The following SLC5A8 variants were observed in gnomAD, a reference collection of about 807,000 sequenced individuals.
The protein encoded by SLC5A8 is solute carrier family 5 member 8, also known as sodium-coupled monocarboxylate transporter 1.
Under a neutral mutation model 71.9 loss-of-function variants are expected in SLC5A8, and 55 were observed. The observed-to-expected ratio is 0.77, with a 90% CI of 0.62 to 0.96. The LOEUF (loss-of-function observed/expected upper bound fraction) is 0.96. Among genes scored for constraint, SLC5A8 ranks in the 40% least tolerant of loss-of-function variants. SLC5A8 has a pLI of 0.00. For synonymous variants in SLC5A8, 307 were observed against 276.1 expected, an observed-to-expected ratio of 1.11 and a Z score of -1.11; for missense variants, 701 against 745.3, an observed-to-expected ratio of 0.94 and a Z score of 0.69.
At chr12:101,187,307 A>T in intron 7 of SLC5A8, 79 bp downstream of exon 7, 1 of 1,446,560 alleles carries the variant, frequency 6.9e-7, no homozygotes, top group Non-Finnish European at 9.2e-7. Flanking sequence ...CTCTACAAGA[A>T]TATGAATGCT....
rs1176077061 is a variant in SLC5A8 at position 101,166,540 on chromosome 12, C to A, written c.1480G>T (p.Glu494Ter). ...YNETNLMTTT[E>*]MPFTTSVFQI... is the part of the protein sequence containing the mutation. The stretch of plus-strand genomic sequence containing the variant: ...AAAACACTAGTAGTAAATGGCATTT[C>A]TGTGGTTGTCATCAAATTTGTCTCA... Residue 494 changes from glutamate (E) to a stop codon, truncating the protein, a stop_gained, in exon 12 of 15, where the codon GAA (glutamate) becomes TAA (stop). Coordinates refer to ENST00000536262, the MANE Select transcript of SLC5A8 (RefSeq NM_145913.5). LOFTEE classifies it high-confidence loss of function. 2.5e-6 allele frequency: 4 copies of A among 1,613,904 alleles called. No homozygotes were observed. Among genetic ancestry groups the A allele is most frequent in the East Asian group, 2.2e-5 (1 of 44,864 alleles).
At chr12:101,193,845 TA>T in intron 4 of SLC5A8, 66 bp from the exon 5 acceptor site, 1 of 1,496,620 alleles carries the variant, frequency 6.7e-7, no homozygotes, top group African/African-American at 1.4e-5. Flanking sequence ...TACACACTTA[TA>T]CACTATACTG....
chr12:101,170,131 C>A (rs1242619259), intron 10 of SLC5A8, among the ~76,000 whole-genome samples: 1 of 152,118 alleles, frequency 6.6e-6, no homozygotes, highest in Admixed American at 6.6e-5. Flanking sequence ...CAGTGAGGTG[C>A]CCACAGGGTT....
chr12:101,166,381 A>T, intron 12 of SLC5A8, 113 bp downstream of exon 12: 1 of 824,854 alleles, frequency 1.2e-6, no homozygotes, highest in Non-Finnish European at 1.8e-6. Flanking sequence ...GGTTTTACTC[A>T]TTTCAGAATT....
chr12:101,158,397 T>C (rs944635765), intron 13 of SLC5A8, 69 bp from the exon 14 acceptor site: 1 of 968,162 alleles, frequency 1.0e-6, no homozygotes, highest in Non-Finnish European at 1.6e-6. Context: ...AGACATTCCA[T>C]TATACAGGCA....
In SLC5A8 at chr12:101,193,666, A is replaced by G; in HGVS notation, c.651T>C (p.Ile217=). Reference sequence around the variant, plus strand: ...TTCCACCATCATAGGCATCATTTAAAATAGTGCTGATTCCACCTTGCATCA... The same window carrying G: ...TTCCACCATCATAGGCATCATTTAAGATAGTGCTGATTCCACCTTGCATCA... ...AVVMQGGIST[I]LNDAYDGGRL... is the part of the protein sequence containing the mutation. Residue 217 remains isoleucine (I), a synonymous_variant, in exon 5 of 15, where the codon ATT becomes ATC. Transcript: ENST00000536262. 6.2e-7 allele frequency: 1 copy of G among 1,614,182 alleles called. No homozygotes were observed. Among genetic ancestry groups the G allele is most frequent in the Non-Finnish European group, 8.5e-7 (1 of 1,180,000 alleles).
intron 7 of SLC5A8, among the ~76,000 whole-genome samples, chr12:101,184,531 A>G (rs1227856437): frequency 1.3e-5 from 2 of 152,214 alleles, no homozygotes; most frequent in African/African-American, 2.4e-5. Flanking sequence ...TGTAAAAGTT[A>G]ATTTAGATAA....
chr12:101,175,080 TA>T (rs1484304221), intron 10 of SLC5A8, among the ~76,000 whole-genome samples: 1 of 151,428 alleles, frequency 6.6e-6, no homozygotes, highest in Non-Finnish European at 1.5e-5. Flanking sequence ...AAAATATATA[TA>T]GAGAGAAAAA....
At chr12:101,173,098 G>T (rs2051845821) in intron 10 of SLC5A8, among the ~76,000 whole-genome samples, 1 of 152,218 alleles carries the variant, frequency 6.6e-6, no homozygotes, top group African/African-American at 2.4e-5. Context: ...TGCAGGGACA[G>T]TTATGTCTAC....
intron 7 of SLC5A8, among the ~76,000 whole-genome samples, chr12:101,185,399 G>C (rs1024593528): frequency 6.6e-6 from 1 of 152,088 alleles, no homozygotes; most frequent in Non-Finnish European, 1.5e-5. Context: ...AAAAATCTGT[G>C]GTGTAATTAT....
intron 7 of SLC5A8, 55 bp downstream of exon 7, chr12:101,187,331 T>G: frequency 6.4e-7 from 1 of 1,553,028 alleles, no homozygotes; most frequent in East Asian, 2.3e-5. Flanking sequence ...TCCTCTCAAC[T>G]AATAAGCTTT....
chr12:101,201,944 G>A (rs542077405), intron 3 of SLC5A8, among the ~76,000 whole-genome samples: 1 of 152,244 alleles, frequency 6.6e-6, no homozygotes, highest in East Asian at 1.9e-4. Flanking sequence ...GTACCACCTG[G>A]AGAAGTCCAC....
intron 10 of SLC5A8, among the ~76,000 whole-genome samples, chr12:101,178,473 T>C (rs2051901447): frequency 1.3e-5 from 2 of 152,060 alleles, no homozygotes. Context: ...TACAGACACA[T>C]AAATAAATGA....
rs949553181 is a variant in SLC5A8 at position 101,209,882 on chromosome 12, T to C, written c.-34A>G. 6.8e-7 allele frequency: 1 copy of C among 1,477,334 alleles called. No individual in the cohort carries two copies. Among genetic ancestry groups the C allele is most frequent in the Admixed American group, 2.4e-5 (1 of 40,922 alleles). 91.5% of individuals were successfully genotyped at this position (1,477,334 alleles called of 1,614,324 possible). On this transcript the variant is annotated 5_prime_UTR_variant, in exon 1 of 15. Coordinates refer to ENST00000536262, the MANE Select transcript of SLC5A8 (RefSeq NM_145913.5). ...GGTCGCCTGAGCCCTGCGCGCAAAC[T>C]GGTGGCCCCGCGGCGCGCAGCCGGA...
chr12:101,167,853 G>C lies in SLC5A8; in HGVS notation c.1320+243C>G, dbSNP rs566804180. ...CGTGCATAAAAATGTTGCTCCTTTAGTTATATTATGAATATTTAAAATTGC... is the reference window on the plus strand; with the variant it reads ...CGTGCATAAAAATGTTGCTCCTTTACTTATATTATGAATATTTAAAATTGC... On this transcript the variant is annotated intron_variant, in intron 11 of 14. Transcript: ENST00000536262. 2.6e-4 allele frequency among the ~76,000 whole-genome samples: 39 copies of C among 152,260 alleles called. 1 individual carries two copies. Among genetic ancestry groups the C allele is most frequent in the African/African-American group, 9.1e-4 (38 of 41,552 alleles).
chr12:101,159,117 C>A (rs549789163), intron 13 of SLC5A8, among the ~76,000 whole-genome samples: 6 of 152,114 alleles, frequency 3.9e-5, no homozygotes, highest in South Asian at 2.1e-4. Context: ...CTGGACTGAC[C>A]AAATTAGGAC....
intron 7 of SLC5A8, among the ~76,000 whole-genome samples, chr12:101,185,569 G>T (rs73391434): frequency 0.014 from 2,173 of 152,006 alleles, 57 homozygotes; most frequent in African/African-American, 0.049. Context: ...AGGATAAGGG[G>T]TTTTTTTGTA....
At chr12:101,172,425 T>C (rs2051838556) in intron 10 of SLC5A8, among the ~76,000 whole-genome samples, 1 of 151,814 alleles carries the variant, frequency 6.6e-6, no homozygotes, top group Non-Finnish European at 1.5e-5. Flanking sequence ...TTAAGGAGAG[T>C]TTGCAGGAAT....
chr12:101,190,688 A>C (rs1341900780), intron 5 of SLC5A8, 80 bp from the exon 6 acceptor site: 2 of 1,325,590 alleles, frequency 1.5e-6, no homozygotes, highest in South Asian at 3.3e-5. Flanking sequence ...ATTTGGAAGC[A>C]AGCAATGCAC....
Sources: allele counts gnomAD v4.1 joint callset (sites outside exome capture counted in the v4.1 genomes callset), GRCh38; gene constraint gnomAD v4.1.1; transcripts MANE v1.5; gene names NCBI Gene and HGNC (gene_info 2026-07-23, HGNC 2026-07-21).